ZFYVE27: variants seen among roughly 807,000 people sequenced by gnomAD.
The protein encoded by ZFYVE27 is protrudin.
ZFYVE27 carries 36 observed loss-of-function variants against 52.8 expected under a neutral mutation model. The observed-to-expected ratio is 0.68, with a 90% CI of 0.52 to 0.90. The LOEUF (loss-of-function observed/expected upper bound fraction) is 0.90, where lower values mean the gene tolerates loss of function less well. Ranked by LOEUF, ZFYVE27 falls within the 40% of genes least tolerant of loss-of-function variation. The pLI is 0.00. For synonymous variants in ZFYVE27, 223 were observed against 215.6 expected (o/e 1.03, Z -0.30); for missense variants, 450 against 527.2 (o/e 0.85, Z 1.43).
intron 3 of ZFYVE27, 144 bp downstream of exon 3, chr10:97,743,308 GCCTCC>G: frequency 1.0e-6 from 1 of 998,588 alleles, no homozygotes; most frequent in Non-Finnish European, 1.6e-6. Flanking sequence ...GTCAGAAACA[GCCTCC>G]AGAGGGACGA....
chr10:97,746,882 G>A (rs1259121816), intron 4 of ZFYVE27, among the ~76,000 whole-genome samples: 2 of 151,630 alleles, frequency 1.3e-5, no homozygotes, highest in African/African-American at 2.4e-5. Flanking sequence ...GTAGAGATAG[G>A]GTCTCATTGT....
chr10:97,741,591 A>C (rs1209326352), intron 2 of ZFYVE27, among the ~76,000 whole-genome samples: 1 of 152,136 alleles, frequency 6.6e-6, no homozygotes, highest in Non-Finnish European at 1.5e-5. Flanking sequence ...AGGGAGGGGA[A>C]CATCACACAC....
intron 10 of ZFYVE27, chr10:97,754,698 T>A: frequency 3.1e-6 from 4 of 1,289,412 alleles, no homozygotes; most frequent in Non-Finnish European, 4.0e-6. Context: ...TACTTGCACA[T>A]GTGTGATCTC....
intron 10 of ZFYVE27, among the ~76,000 whole-genome samples, chr10:97,754,384 C>T (rs2047811906): frequency 6.6e-6 from 1 of 150,424 alleles, no homozygotes; most frequent in South Asian, 2.1e-4. Flanking sequence ...ATGATCACAG[C>T]TCACTGCATC....
In ZFYVE27 at chr10:97,738,556, C is replaced by G. The variant is rs34979921; in HGVS notation, c.79C>G (p.Pro27Ala). 489 of 1,614,162 alleles carry G rather than the reference C, an allele frequency of 3.0e-4. 2 individuals carry two copies. In the African/African-American group the frequency reaches 5.6e-3, roughly 18 times the overall value. The change falls in exon 2 of 13, where the codon CCT becomes GCT. Residue 27 changes from proline to alanine, a missense_variant. By Grantham distance (27) the Pro-to-Ala change is conservative. Coordinates refer to ENST00000684270, the MANE Select transcript of ZFYVE27 (RefSeq NM_001385875.1). ...VMPEAPLESP[P>A]FPTKSPAFDL... ...GCCCGAGGCTCCCCTGGAGTCTCCACCTTTTCCTACCAAGTCCCCAGCGTT... is the reference window on the plus strand; with the variant it reads ...GCCCGAGGCTCCCCTGGAGTCTCCAGCTTTTCCTACCAAGTCCCCAGCGTT...
intron 9 of ZFYVE27, 58 bp downstream of exon 9, chr10:97,752,935 G>A: frequency 6.2e-7 from 1 of 1,612,088 alleles, no homozygotes; most frequent in South Asian, 1.1e-5. Flanking sequence ...GGCTGAACCG[G>A]CTGCTGCCAC....
At chr10:97,747,552 A>C (rs1451517598) in intron 4 of ZFYVE27, among the ~76,000 whole-genome samples, 1 of 152,100 alleles carries the variant, frequency 6.6e-6, no homozygotes, top group Non-Finnish European at 1.5e-5. Flanking sequence ...GAACTCATAG[A>C]TTTATATTTT....
intron 7 of ZFYVE27, 103 bp from the exon 8 acceptor site, chr10:97,751,286 CGT>C: frequency 1.6e-6 from 2 of 1,247,950 alleles, no homozygotes. Flanking sequence ...TGTGCCATTT[CGT>C]GGTGTTTTGG....
rs369834453 is a variant in ZFYVE27 at position 97,750,471 on chromosome 10, G to A, written c.804+1G>A. ...CACGCCTGCCCTCACACCCACGGAGGTAAGTGCCACTGTCAGGGCAGAGCC... is the reference window on the plus strand; with the variant it reads ...CACGCCTGCCCTCACACCCACGGAGATAAGTGCCACTGTCAGGGCAGAGCC... On this transcript the variant is annotated splice_donor_variant, in intron 7 of 12. Transcript: ENST00000684270. LOFTEE classifies it high-confidence loss of function. The A allele has an allele frequency of 1.2e-6, 2 of 1,613,998 alleles. No homozygotes were observed. Among genetic ancestry groups the A allele is most frequent in the East Asian group, 4.5e-5 (2 of 44,880 alleles).
At chr10:97,739,457 C>T (rs2043004981) in intron 2 of ZFYVE27, among the ~76,000 whole-genome samples, 1 of 151,970 alleles carries the variant, frequency 6.6e-6, no homozygotes, top group Non-Finnish European at 1.5e-5. Flanking sequence ...TTCATTTTTT[C>T]TTTTGACTCA....
At chr10:97,757,355 G>T in intron 11 of ZFYVE27, 44 bp downstream of exon 11, 1 of 1,613,036 alleles carries the variant, frequency 6.2e-7, no homozygotes, top group Non-Finnish European at 8.5e-7. Context: ...AGTGTCCTTG[G>T]GACTGTCGGG....
intron 12 of ZFYVE27, among the ~76,000 whole-genome samples, chr10:97,758,826 G>C (rs1590121404): frequency 1.3e-5 from 2 of 152,192 alleles, no homozygotes; most frequent in Admixed American, 1.3e-4. Context: ...CTGTCGCCCA[G>C]CCTGGAGTGC....
At chr10:97,751,118 G>A (rs937596637) in intron 7 of ZFYVE27, among the ~76,000 whole-genome samples, 3 of 152,132 alleles carry the variant, frequency 2.0e-5, no homozygotes, top group African/African-American at 7.2e-5. Context: ...TAAGTGGCAG[G>A]GCTGGGTCTA....
chr10:97,757,076 A>G (rs11189358), intron 10 of ZFYVE27, 189 bp from the exon 11 acceptor site: 41,599 of 683,452 alleles, frequency 0.061, 1,703 homozygotes, highest in Non-Finnish European at 0.085. Flanking sequence ...ATCAGTCCTC[A>G]GGGGCTATCA....
At chr10:97,757,197 C>T (rs367795704) in intron 10 of ZFYVE27, 68 bp from the exon 11 acceptor site, 78 of 1,608,950 alleles carry the variant, frequency 4.8e-5, no homozygotes, top group East Asian at 4.7e-4. Context: ...CATTTAGAAG[C>T]GCCAGGAGCA....
Position 97,759,533 on chromosome 10 carries a change from G to T in ZFYVE27, c.*233G>T. 1 of 607,534 alleles carries T rather than the reference G, an allele frequency of 1.6e-6. No homozygotes were observed. Among genetic ancestry groups the T allele is most frequent in the South Asian group, 1.8e-5 (1 of 54,992 alleles). The allele number at this position is 607,534 out of a possible 1,614,324, so 37.6% of individuals were successfully genotyped here. ...CCTTGAGGGAGAAGAGCCCCTGGAG[G>T]GCCTGGCATGTTTGTCCTGCTCTGC... On this transcript the variant is annotated 3_prime_UTR_variant, in exon 13 of 13. Coordinates refer to ENST00000684270, the MANE Select transcript of ZFYVE27 (RefSeq NM_001385875.1).
chr10:97,746,051 A>ATATATTT (rs2045313432), intron 4 of ZFYVE27, among the ~76,000 whole-genome samples: 1 of 64,170 alleles, frequency 1.6e-5, no homozygotes, highest in African/African-American at 4.4e-5. Flanking sequence ...ATATATATAT[A>ATATATTT]TTTTTTTTTT....
intron 8 of ZFYVE27, among the ~76,000 whole-genome samples, chr10:97,751,782 G>C (rs146614080): frequency 6.6e-6 from 1 of 152,154 alleles, no homozygotes; most frequent in South Asian, 2.1e-4. Context: ...TTTTGAGGAG[G>C]CTACTGCCCT....
chr10:97,740,672 G>C (rs893813973), intron 2 of ZFYVE27, among the ~76,000 whole-genome samples: 1 of 152,212 alleles, frequency 6.6e-6, no homozygotes, highest in African/African-American at 2.4e-5. Flanking sequence ...GGACTTAAAA[G>C]CCCCCAGGAG....
Sources: allele counts gnomAD v4.1 joint callset (sites outside exome capture counted in the v4.1 genomes callset), GRCh38; gene constraint gnomAD v4.1.1; transcripts MANE v1.5; gene names NCBI Gene and HGNC (gene_info 2026-07-23, HGNC 2026-07-21).